ZNF385D: variants seen among roughly 807,000 people sequenced by gnomAD.
The protein encoded by ZNF385D is zinc finger protein 385D.
A neutral mutation model predicts 35.8 loss-of-function variants in ZNF385D; 15 were observed. That is an observed-to-expected ratio of 0.42 (90% CI 0.28 to 0.64). The LOEUF (loss-of-function observed/expected upper bound fraction) is 0.64, where lower values mean the gene tolerates loss of function less well. Among genes scored for constraint, ZNF385D ranks in the 30% least tolerant of loss-of-function variants. ZNF385D has a pLI of 0.23. For synonymous variants in ZNF385D, 212 were observed against 186.8 expected (o/e 1.13, Z -1.10); for missense variants, 474 against 494.6 (o/e 0.96, Z 0.39).
chr3:22,118,222 G>T (rs1702906713), intron 3 of ZNF385D, among the ~76,000 whole-genome samples: 1 of 152,012 alleles, frequency 6.6e-6, no homozygotes, highest in African/African-American at 2.4e-5. Flanking sequence ...TTGTTCTAAA[G>T]TATGCCATTA....
chr3:21,452,261 G>T (rs995038626), intron 4 of ZNF385D, among the ~76,000 whole-genome samples: 1 of 151,984 alleles, frequency 6.6e-6, no homozygotes, highest in Non-Finnish European at 1.5e-5. Context: ...TTTCAAAGTA[G>T]AGGTTAGATC....
intron 4 of ZNF385D, among the ~76,000 whole-genome samples, chr3:21,469,761 C>G (rs1221478586): frequency 6.6e-6 from 1 of 151,504 alleles, no homozygotes; most frequent in Non-Finnish European, 1.5e-5. Flanking sequence ...TGACCACTTA[C>G]AGTTAAAGAA....
In ZNF385D at chr3:22,006,832, G is replaced by C. The variant is rs140155472; in HGVS notation, c.325+161985C>G. Among the ~76,000 whole-genome samples the C allele has an allele frequency of 6.2e-3, 943 of 151,956 alleles. 10 individuals are homozygous for C. Among genetic ancestry groups the C allele is most frequent in the African/African-American group, 0.022 (902 of 41,498 alleles). On this transcript the variant is annotated intron_variant, in intron 3 of 5. Transcript: ENST00000494108. ...AAAAGGGAACACAGGGACCAAAAAA[G>C]AGTGATAAGTAGAAACTGATACAAA... is the stretch of plus-strand genomic sequence containing the variant.
chr3:21,750,991 C>A lies in ZNF385D; in HGVS notation c.-75G>T. ...CCCAAGGCTGGCACGTAGAGCAGAG[C>A]CCTTTCATGCTACATTCGGTGGAAA... is the stretch of plus-strand genomic sequence containing the variant. On this transcript the variant is annotated 5_prime_UTR_variant, in exon 1 of 8. Coordinates refer to ENST00000281523, the MANE Select transcript of ZNF385D (RefSeq NM_024697.3). 6.2e-7 allele frequency: 1 copy of A among 1,612,064 alleles called. No individual in the cohort carries two copies. The highest frequency in any genetic ancestry group is 8.5e-7 in the Non-Finnish European group (1 of 1,179,260).
chr3:21,793,102 C>T (rs530336848), intron 3 of ZNF385D, among the ~76,000 whole-genome samples: 1 of 152,114 alleles, frequency 6.6e-6, no homozygotes, highest in Non-Finnish European at 1.5e-5. Flanking sequence ...AATCTTACTA[C>T]AAAAGTTAGC....
intron 3 of ZNF385D, among the ~76,000 whole-genome samples, chr3:22,069,020 T>A (rs1700103608): frequency 6.6e-6 from 1 of 152,310 alleles, no homozygotes; most frequent in East Asian, 1.9e-4. Flanking sequence ...ATGCTCAGTG[T>A]TTTACTGTCA....
chr3:21,889,225 G>T (rs180784607), intron 3 of ZNF385D, among the ~76,000 whole-genome samples: 1 of 152,170 alleles, frequency 6.6e-6, no homozygotes. Flanking sequence ...AAAGGTCTTT[G>T]TTTCTCATGG....
At chr3:22,062,306 C>T (rs1295588535) in intron 3 of ZNF385D, among the ~76,000 whole-genome samples, 2 of 152,200 alleles carry the variant, frequency 1.3e-5, no homozygotes, top group Non-Finnish European at 2.9e-5. Context: ...CCACCCGCCT[C>T]AGCCTCCCAA....
intron 7 of ZNF385D, among the ~76,000 whole-genome samples, chr3:21,423,670 C>A (rs1228053932): frequency 6.6e-6 from 1 of 152,122 alleles, no homozygotes; most frequent in East Asian, 1.9e-4. Flanking sequence ...ACCAACAATA[C>A]AAATACTTTG....
intron 3 of ZNF385D, among the ~76,000 whole-genome samples, chr3:22,039,260 A>AG (rs1698519758): frequency 6.9e-6 from 1 of 145,648 alleles, no homozygotes; most frequent in Non-Finnish European, 1.5e-5. Context: ...CAAGCCAAAA[A>AG]AAAAAAAAAA....
At position 21,561,890 on chromosome 3, in the gene ZNF385D, C is replaced by T. The variant is rs1306710934; in HGVS notation, c.276+2684G>A. On this transcript the variant is annotated intron_variant, in intron 3 of 7. Coordinates refer to ENST00000281523, the MANE Select transcript of ZNF385D (RefSeq NM_024697.3). Reference sequence around the variant, plus strand: ...GAAGAACCAAAATGTGATGCAGAGACACAAAGTGAGCTGAGATATGCCTGC... The same window carrying T: ...GAAGAACCAAAATGTGATGCAGAGATACAAAGTGAGCTGAGATATGCCTGC... 4 of 152,174 alleles carry T rather than the reference C, an allele frequency of 2.6e-5. No individual in the cohort carries two copies. The East Asian group carries it at 7.7e-4, about 29-fold the overall frequency. The allele number at this position is 152,174 out of a possible 1,614,324, so 9.4% of individuals were successfully genotyped here. A position where few individuals can be genotyped will look rare whatever the true frequency, so the allele number is the denominator to read the frequency against.
intron 2 of ZNF385D, among the ~76,000 whole-genome samples, chr3:22,292,211 T>G (rs572323880): frequency 6.6e-5 from 10 of 152,102 alleles, no homozygotes; most frequent in Non-Finnish European, 1.3e-4. Context: ...AGACTTCCTT[T>G]ATTTTTTAAA....
intron 4 of ZNF385D, among the ~76,000 whole-genome samples, chr3:21,469,829 GA>G (rs997692419): frequency 6.6e-6 from 1 of 151,326 alleles, no homozygotes; most frequent in East Asian, 1.9e-4. Context: ...AGGCTTAAAG[GA>G]AAAAAAAGCC....
At chr3:21,602,364 T>C (rs545125358) in intron 2 of ZNF385D, among the ~76,000 whole-genome samples, 1 of 152,052 alleles carries the variant, frequency 6.6e-6, no homozygotes, top group Admixed American at 6.5e-5. Context: ...TAGCACATAT[T>C]GGCCAGCGTG....
intron 2 of ZNF385D, among the ~76,000 whole-genome samples, chr3:22,171,700 T>C (rs1262298507): frequency 6.6e-6 from 1 of 151,268 alleles, no homozygotes; most frequent in African/African-American, 2.4e-5. Flanking sequence ...CACAGTGAAA[T>C]CCCGTCTCTA....
intron 3 of ZNF385D, among the ~76,000 whole-genome samples, chr3:22,037,130 G>C (rs1698376986): frequency 6.6e-6 from 1 of 151,896 alleles, no homozygotes; most frequent in Non-Finnish European, 1.5e-5. Flanking sequence ...ATTTGGGTTG[G>C]TTCCAAGTCT....
intron 2 of ZNF385D, among the ~76,000 whole-genome samples, chr3:22,348,485 T>TAAAAAAAAAAAAAAAA (rs1168729541): frequency 2.0e-4 from 17 of 84,868 alleles, no homozygotes; most frequent in East Asian, 6.9e-4. Flanking sequence ...CCATCTCTAC[T>TAAAAAAAAAAAAAAAA]AAAAAAAAAA....
chr3:21,711,024 C>T (rs2068079875), intron 1 of ZNF385D, among the ~76,000 whole-genome samples: 1 of 142,744 alleles, frequency 7.0e-6, no homozygotes, highest in African/African-American at 2.7e-5. Context: ...TCTTAATTTC[C>T]TTATCCCTCT....
intron 2 of ZNF385D, among the ~76,000 whole-genome samples, chr3:22,175,478 G>T (rs991446633): frequency 6.6e-6 from 1 of 151,944 alleles, no homozygotes; most frequent in Non-Finnish European, 1.5e-5. Context: ...GCTATTAGGT[G>T]ATTTGAAAGG....
Sources: allele counts gnomAD v4.1 joint callset (sites outside exome capture counted in the v4.1 genomes callset), GRCh38; gene constraint gnomAD v4.1.1; transcripts MANE v1.5; gene names NCBI Gene and HGNC (gene_info 2026-07-23, HGNC 2026-07-21).